Variants in RBFOX1 observed in about 807,000 individuals in gnomAD.
RBFOX1 encodes RNA binding fox-1 homolog 1.
Under a neutral mutation model 57.7 loss-of-function variants are expected in RBFOX1, and 8 were observed. The ratio of observed to expected loss-of-function variants is 0.14; its 90% CI spans 0.08 to 0.25. RBFOX1 has a LOEUF of 0.25. RBFOX1 is among the 10% of genes least tolerant of loss of function. RBFOX1 has a pLI of 1.00. For missense variants in RBFOX1, 611 were observed against 548.5 expected (o/e 1.11, Z -1.14); for synonymous variants, 326 against 222.4 (o/e 1.47, Z -4.15).
intron 3 of RBFOX1, among the ~76,000 whole-genome samples, chr16:6,860,331 T>C (rs1443322785): frequency 6.6e-6 from 1 of 152,342 alleles, no homozygotes; most frequent in East Asian, 1.9e-4. Context: ...CAAGTGTTTT[T>C]GGCTGGGGGT....
intron 7 of RBFOX1, among the ~76,000 whole-genome samples, chr16:7,594,741 C>T (rs895848763): frequency 1.3e-5 from 2 of 152,094 alleles, no homozygotes; most frequent in African/African-American, 4.8e-5. Context: ...TAAATATTGA[C>T]CTAATGCCAG....
At chr16:6,930,769 C>T (rs912895240) in intron 3 of RBFOX1, among the ~76,000 whole-genome samples, 2 of 152,030 alleles carry the variant, frequency 1.3e-5, no homozygotes, top group African/African-American at 4.8e-5. Context: ...GCCACTTGAT[C>T]CTCCCTCAGA....
At chr16:7,646,896 C>T (rs575704723) in intron 11 of RBFOX1, among the ~76,000 whole-genome samples, 117 of 152,216 alleles carry the variant, frequency 7.7e-4, no homozygotes, top group African/African-American at 2.7e-3. Context: ...AAGACACACT[C>T]ATCACTGTAA....
In RBFOX1 at chr16:7,050,758, T is replaced by A. The variant is rs537363502; in HGVS notation, c.-15-1299T>A. ...CCATACTATCAGTATACTATATTTTTTAATTTTTCCATTATCACACATAAT... is the reference window on the plus strand; with the variant it reads ...CCATACTATCAGTATACTATATTTTATAATTTTTCCATTATCACACATAAT... On this transcript the variant is annotated intron_variant, in intron 3 of 15. Transcript: ENST00000550418. Among the ~76,000 whole-genome samples the A allele has an allele frequency of 5.6e-4, 85 of 152,362 alleles. 1 individual carries two copies. The highest frequency in any genetic ancestry group is 2.0e-3 in the African/African-American group (83 of 41,588).
intron 3 of RBFOX1, among the ~76,000 whole-genome samples, chr16:5,720,030 C>G (rs2051869420): frequency 6.6e-6 from 1 of 152,130 alleles, no homozygotes; most frequent in South Asian, 2.1e-4. Context: ...TTCCCATTCC[C>G]CCTCACAATA....
At chr16:5,293,713 G>C (rs997728788) in intron 1 of RBFOX1, among the ~76,000 whole-genome samples, 3 of 151,660 alleles carry the variant, frequency 2.0e-5, no homozygotes, top group African/African-American at 4.9e-5. Context: ...CAAATCTATA[G>C]AGGCAGAAAG....
chr16:5,532,885 G>A (rs1235091144), intron 2 of RBFOX1, among the ~76,000 whole-genome samples: 1 of 152,152 alleles, frequency 6.6e-6, no homozygotes, highest in African/African-American at 2.4e-5. Context: ...CTTTCTGCCT[G>A]GAGACCCTGA....
intron 4 of RBFOX1, among the ~76,000 whole-genome samples, chr16:5,900,869 A>G (rs2058289745): frequency 6.6e-6 from 1 of 152,174 alleles, no homozygotes; most frequent in Non-Finnish European, 1.5e-5. Context: ...CCCTATTCCA[A>G]AAAACCAAGT....
chr16:7,086,358 C>G (rs1189121572), intron 4 of RBFOX1, among the ~76,000 whole-genome samples: 1 of 152,024 alleles, frequency 6.6e-6, no homozygotes, highest in Non-Finnish European at 1.5e-5. Context: ...AATATTTCCC[C>G]CTCTCCCCTT....
chr16:6,175,346 T>G (rs1035854104), intron 1 of RBFOX1, among the ~76,000 whole-genome samples: 3 of 152,178 alleles, frequency 2.0e-5, no homozygotes, highest in Non-Finnish European at 4.4e-5. Flanking sequence ...ACCACAGTCA[T>G]AAATATTTGG....
chr16:6,840,478 C>G (rs2093396579), intron 3 of RBFOX1, among the ~76,000 whole-genome samples: 1 of 152,054 alleles, frequency 6.6e-6, no homozygotes, highest in South Asian at 2.1e-4. Context: ...TGTTCATGTC[C>G]CCCTAAATTT....
intron 1 of RBFOX1, among the ~76,000 whole-genome samples, chr16:6,167,255 G>C (rs2096924909): frequency 1.3e-5 from 2 of 152,210 alleles, no homozygotes; most frequent in African/African-American, 2.4e-5. Flanking sequence ...TGCCGAAGTT[G>C]CTCTTTGATA....
intron 3 of RBFOX1, among the ~76,000 whole-genome samples, chr16:6,894,214 C>G (rs986218053): frequency 2.6e-5 from 4 of 152,168 alleles, no homozygotes; most frequent in Non-Finnish European, 4.4e-5. Context: ...ACTTCCATCA[C>G]TTCTGCATTT....
chr16:7,640,447 G>T (rs2062585549), intron 11 of RBFOX1, among the ~76,000 whole-genome samples: 1 of 152,198 alleles, frequency 6.6e-6, no homozygotes, highest in African/African-American at 2.4e-5. Flanking sequence ...ATCCCATGGT[G>T]TGCCCCCAAA....
chr16:6,644,255 C>T (rs1388295884), intron 2 of RBFOX1, among the ~76,000 whole-genome samples: 6 of 152,192 alleles, frequency 3.9e-5, no homozygotes, highest in Admixed American at 3.9e-4. Flanking sequence ...TGTAAGCATG[C>T]ATCCAAACTA....
rs145351822 is a variant in RBFOX1 at position 6,124,105 on chromosome 16, C to G, written c.-127+104113C>G. On this transcript the variant is annotated intron_variant, in intron 1 of 15. Coordinates refer to ENST00000550418, the MANE Select transcript of RBFOX1 (RefSeq NM_018723.4). ...GGTAACTCGTGGGCTGGAACTCACC[C>G]TTCTGGGTGTTTTGTTTGCACCACA... Among the ~76,000 whole-genome samples the G allele has an allele frequency of 6.2e-4, 95 of 152,286 alleles. No individual in the cohort carries two copies. The East Asian group carries it at 0.017, about 27-fold the overall frequency.
chr16:7,540,570 G>C (rs2152460131), intron 5 of RBFOX1, among the ~76,000 whole-genome samples: 1 of 152,348 alleles, frequency 6.6e-6, no homozygotes, highest in East Asian at 1.9e-4. Flanking sequence ...CAACACATCT[G>C]ATGATCACTG....
chr16:5,800,156 G>A (rs1041813857), intron 3 of RBFOX1, among the ~76,000 whole-genome samples: 8 of 152,066 alleles, frequency 5.3e-5, no homozygotes, highest in Non-Finnish European at 1.0e-4. Flanking sequence ...AAGCCAGACT[G>A]TTCCAGAAAA....
chr16:6,941,140 G>T (rs907091513), intron 3 of RBFOX1, among the ~76,000 whole-genome samples: 3 of 151,868 alleles, frequency 2.0e-5, no homozygotes, highest in Non-Finnish European at 4.4e-5. Context: ...ACTGGGATAT[G>T]GAGGCAAGAA....
Sources: gnomAD v4.1 joint callset for allele counts (sites outside exome capture counted in the v4.1 genomes callset) on GRCh38, gnomAD v4.1.1 for gene constraint, MANE v1.5 for transcripts, NCBI Gene and HGNC (gene_info 2026-07-23, HGNC 2026-07-21) for gene names.